The following PLCB1 variants were observed in gnomAD, a reference collection of about 807,000 sequenced individuals.
PLCB1 encodes the protein 1-phosphatidylinositol 4,5-bisphosphate phosphodiesterase beta-1.
In PLCB1, 46 loss-of-function variants were observed where a neutral mutation model predicts 161.8. The observed-to-expected ratio is 0.28, with a 90% confidence interval of 0.22 to 0.36. The LOEUF (loss-of-function observed/expected upper bound fraction) is 0.36. Ranked by LOEUF, PLCB1 falls within the 10% of genes least tolerant of loss-of-function variation. The probability of loss-of-function intolerance (pLI) is 1.00; values close to 1 mark genes in which losing one functional copy is unlikely to be tolerated. For synonymous variants in PLCB1, 517 were observed against 503.7 expected, an observed-to-expected ratio of 1.03 and a Z score of -0.35; for missense variants, 1,016 against 1,472.5, an observed-to-expected ratio of 0.69 and a Z score of 5.07.
At chr20:8,161,997 G>GACT (rs1260609667) in intron 2 of PLCB1, among the ~76,000 whole-genome samples, 1 of 152,096 alleles carries the variant, frequency 6.6e-6, no homozygotes, top group African/African-American at 2.4e-5. Flanking sequence ...TGAATTATTT[G>GACT]ACTATGACTG....
At chr20:8,574,791 C>A (rs779357511) in intron 3 of PLCB1, among the ~76,000 whole-genome samples, 17 of 152,146 alleles carry the variant, frequency 1.1e-4, no homozygotes, top group Non-Finnish European at 2.1e-4. Context: ...ATGGTTGTTT[C>A]CAGGAGACAT....
chr20:8,776,521 T>C (rs1982952318), intron 27 of PLCB1, among the ~76,000 whole-genome samples: 1 of 152,208 alleles, frequency 6.6e-6, no homozygotes, highest in South Asian at 2.1e-4. Flanking sequence ...TTTAAACAGC[T>C]TTATTTCCCA....
intron 3 of PLCB1, chr20:8,371,697 C>T (rs187465172): frequency 1.3e-5 from 5 of 378,462 alleles, no homozygotes; most frequent in African/African-American, 4.1e-5. Flanking sequence ...AAAAAGACAA[C>T]GACAACAATG....
At chr20:8,357,497 A>G (rs1052355072) in intron 2 of PLCB1, among the ~76,000 whole-genome samples, 2 of 152,100 alleles carry the variant, frequency 1.3e-5, no homozygotes, top group African/African-American at 2.4e-5. Flanking sequence ...TTTTTTCTCC[A>G]CTATATTTAC....
At chr20:8,806,046 C>T (rs1568606837) in intron 31 of PLCB1, among the ~76,000 whole-genome samples, 1 of 152,150 alleles carries the variant, frequency 6.6e-6, no homozygotes, top group East Asian at 1.9e-4. Flanking sequence ...ATTTCACCCC[C>T]AAACTGATCA....
chr20:8,589,765 G>A (rs977557357), intron 3 of PLCB1, among the ~76,000 whole-genome samples: 14 of 151,846 alleles, frequency 9.2e-5, no homozygotes, highest in African/African-American at 3.4e-4. Context: ...ACAGATGTGT[G>A]CCACCATGCC....
At chr20:8,611,416 C>T (rs576399627) in intron 3 of PLCB1, among the ~76,000 whole-genome samples, 1 of 152,024 alleles carries the variant, frequency 6.6e-6, no homozygotes, top group Non-Finnish European at 1.5e-5. Context: ...AAAGGGATCA[C>T]CAAAAAAGGC....
intron 26 of PLCB1, among the ~76,000 whole-genome samples, chr20:8,769,886 C>T (rs1982576759): frequency 6.6e-6 from 1 of 152,088 alleles, no homozygotes; most frequent in Non-Finnish European, 1.5e-5. Flanking sequence ...TTAACACATG[C>T]TTAAATTGAA....
chr20:8,348,417 A>C (rs1165004060), intron 2 of PLCB1, among the ~76,000 whole-genome samples: 1 of 152,198 alleles, frequency 6.6e-6, no homozygotes, highest in Admixed American at 6.5e-5. Flanking sequence ...AGAGGTGTCA[A>C]CAAAAACCTG....
intron 14 of PLCB1, among the ~76,000 whole-genome samples, chr20:8,720,645 C>G (rs1236502638): frequency 6.6e-6 from 1 of 151,892 alleles, no homozygotes; most frequent in African/African-American, 2.4e-5. Context: ...CCCCAACATC[C>G]CTCCAAAGAT....
chr20:8,447,928 C>A (rs747083557), intron 3 of PLCB1, among the ~76,000 whole-genome samples: 1 of 152,184 alleles, frequency 6.6e-6, no homozygotes, highest in Non-Finnish European at 1.5e-5. Context: ...AAAATGGCTG[C>A]CACCTTTGTT....
At chr20:8,501,395 T>C (rs374942981) in intron 3 of PLCB1, among the ~76,000 whole-genome samples, 29 of 152,226 alleles carry the variant, frequency 1.9e-4, no homozygotes, top group African/African-American at 6.8e-4. Context: ...AGTGTGTGCT[T>C]GTTGAAGAAA....
chr20:8,517,239 CA>C (rs1208043429), intron 3 of PLCB1, among the ~76,000 whole-genome samples: 1 of 152,098 alleles, frequency 6.6e-6, no homozygotes, highest in East Asian at 1.9e-4. Flanking sequence ...AGAGCCAACT[CA>C]AGATGCAGGA....
At chr20:8,792,629 C>T (rs1457958310) in intron 31 of PLCB1, 1 of 471,270 alleles carries the variant, frequency 2.1e-6, no homozygotes, top group Admixed American at 2.3e-5. Context: ...CATGAGGTTG[C>T]TCCATGACCA....
chr20:8,491,970 T>C (rs1982964956), intron 3 of PLCB1, among the ~76,000 whole-genome samples: 1 of 148,468 alleles, frequency 6.7e-6, no homozygotes, highest in Admixed American at 6.7e-5. Flanking sequence ...GGTTGTTGTT[T>C]CAGGTTGTTG....
intron 9 of PLCB1, among the ~76,000 whole-genome samples, chr20:8,664,455 A>C (rs1056326340): frequency 1.3e-5 from 2 of 152,122 alleles, no homozygotes; most frequent in Non-Finnish European, 2.9e-5. Flanking sequence ...GGAAAAAAAA[A>C]CCCTATTGCA....
intron 3 of PLCB1, among the ~76,000 whole-genome samples, chr20:8,442,717 T>G (rs2122617000): frequency 6.6e-6 from 1 of 152,340 alleles, no homozygotes; most frequent in South Asian, 2.1e-4. Flanking sequence ...TAATATTATC[T>G]ATTCAAATCT....
At chr20:8,355,539 G>C (rs1158701946) in intron 2 of PLCB1, among the ~76,000 whole-genome samples, 1 of 152,154 alleles carries the variant, frequency 6.6e-6, no homozygotes, top group African/African-American at 2.4e-5. Context: ...TTCCATTTGT[G>C]AGAACTATTC....
chr20:8,625,822 G>A (rs1427868550), intron 3 of PLCB1, among the ~76,000 whole-genome samples: 1 of 151,968 alleles, frequency 6.6e-6, no homozygotes, highest in African/African-American at 2.4e-5. Flanking sequence ...TTACCAGCCT[G>A]TTTCATCCAC....
Sources: allele counts gnomAD v4.1 joint callset (sites outside exome capture counted in the v4.1 genomes callset), GRCh38; gene constraint gnomAD v4.1.1; transcripts MANE v1.5; gene names NCBI Gene and HGNC (gene_info 2026-07-23, HGNC 2026-07-21).